BRI3: variants seen among roughly 807,000 people sequenced by gnomAD.
BRI3 encodes the protein membrane protein BRI3.
A neutral mutation model predicts 12.8 loss-of-function variants in BRI3; 6 were observed. The observed-to-expected ratio is 0.47, with a 90% CI of 0.26 to 0.93. The LOEUF is 0.93. BRI3 is among the 40% of genes least tolerant of loss of function. BRI3 has a pLI of 0.15. For missense variants in BRI3, 134 were observed against 171.1 expected, an observed-to-expected ratio of 0.78 and a Z score of 1.21; for synonymous variants, 91 against 76.1, an observed-to-expected ratio of 1.20 and a Z score of -1.02.
chr7:98,290,443 C>T (rs887989266), intron 2 of BRI3, among the ~76,000 whole-genome samples: 3 of 151,956 alleles, frequency 2.0e-5, no homozygotes, highest in African/African-American at 7.3e-5. Context: ...GATCCACCCG[C>T]CTCGGCCTCC....
At chr7:98,322,281 T>C in the BRI3 span, among the ~76,000 whole-genome samples, 1 of 152,196 alleles carries the variant, frequency 6.6e-6, no homozygotes, top group Non-Finnish European at 1.5e-5. Context: ...CATCTGAGTC[T>C]GACACTGGCC....
At chr7:98,315,761 C>T in the BRI3 span, 3,014 of 353,378 alleles carry the variant, frequency 8.5e-3, 23 homozygotes, top group Non-Finnish European at 0.011. Flanking sequence ...AATGCTGTAA[C>T]CTGACCTAAG....
the BRI3 span, chr7:98,320,380 G>T: frequency 9.1e-7 from 1 of 1,104,564 alleles, no homozygotes; most frequent in Non-Finnish European, 1.3e-6. Flanking sequence ...CTGTCGCCCA[G>T]GCTGGAGTGC....
At chr7:98,294,813 A>G (rs1396043457), downstream of BRI3, among the ~76,000 whole-genome samples, 2 of 152,236 alleles carry the variant, frequency 1.3e-5, no homozygotes, top group African/African-American at 4.8e-5. Flanking sequence ...TGAGGAAAAG[A>G]GAAGGTGGAA....
At chr7:98,283,857 T>G in intron 2 of BRI3, among the ~76,000 whole-genome samples, 1 of 151,964 alleles carries the variant, frequency 6.6e-6, no homozygotes, top group East Asian at 1.9e-4. Flanking sequence ...CTTGGAGAGG[T>G]GAGAGACCAG....
chr7:98,291,610 A>C (rs1799959179), downstream of BRI3: 5 of 846,718 alleles, frequency 5.9e-6, no homozygotes, highest in Non-Finnish European at 7.3e-6. Flanking sequence ...GCCAGTCCTG[A>C]CCACAGTTGT....
chr7:98,293,244 A>G, downstream of BRI3: 1 of 366,144 alleles, frequency 2.7e-6, no homozygotes, highest in Non-Finnish European at 4.9e-6. Context: ...AAAATACAGT[A>G]AAGATTGAAA....
exon 2 of BRI3, chr7:98,310,173 A>G: frequency 2.7e-6 from 1 of 370,586 alleles, no homozygotes; most frequent in South Asian, 3.4e-5. Context: ...TAAATAGATA[A>G]TTCTCAACAG....
chr7:98,291,137 CCTTCCTGGGCAT>C lies in BRI3; in HGVS notation c.281_292del (p.Gly94_Leu97del), dbSNP rs765776994. On this transcript the variant is annotated inframe_deletion, in exon 3 of 3. Coordinates refer to ENST00000297290, the MANE Select transcript of BRI3 (RefSeq NM_015379.5). Reference sequence around the variant, plus strand: ...GTTGGGGTGCTGGAGGACTGCTTCACCTTCCTGGGCATCTTCCTGGCCATCATCCTCTTCCCC... The same window carrying C: ...GTTGGGGTGCTGGAGGACTGCTTCACCTTCCTGGCCATCATCCTCTTCCCC... 4 of 1,614,130 alleles carry C rather than the reference CCTTCCTGGGCAT, an allele frequency of 2.5e-6. No individual in the cohort carries two copies. In the Admixed American group the frequency reaches 5.0e-5, roughly 20 times the overall value.
chr7:98,323,213 G>A, the BRI3 span: 1 of 152,108 alleles, frequency 6.6e-6, no homozygotes, highest in African/African-American at 2.4e-5. Context: ...ACAGCCAAGA[G>A]CATAATTCCA....
At chr7:98,302,215 C>T (rs937319174), upstream of BRI3, among the ~76,000 whole-genome samples, 5 of 152,182 alleles carry the variant, frequency 3.3e-5, no homozygotes, top group Non-Finnish European at 5.9e-5. Flanking sequence ...GTAAGAATGG[C>T]GGCGACAGTA....
At chr7:98,320,379 A>G in the BRI3 span, 1 of 1,115,354 alleles carries the variant, frequency 9.0e-7, no homozygotes, top group Non-Finnish European at 1.3e-6. Context: ...TCTGTCGCCC[A>G]GGCTGGAGTG....
At chr7:98,305,469 C>A (rs1800619231), upstream of BRI3, among the ~76,000 whole-genome samples, 1 of 152,158 alleles carries the variant, frequency 6.6e-6, no homozygotes, top group African/African-American at 2.4e-5. Flanking sequence ...AACGTCGGAC[C>A]TGGAGGCCTT....
downstream of BRI3, chr7:98,293,414 GGC>G: frequency 9.8e-7 from 1 of 1,015,728 alleles, no homozygotes; most frequent in African/African-American, 1.6e-5. Context: ...ATTAGAGTTA[GGC>G]CTCTCCACTG....
chr7:98,315,982 G>C, the BRI3 span, among the ~76,000 whole-genome samples: 1 of 152,184 alleles, frequency 6.6e-6, no homozygotes, highest in Admixed American at 6.5e-5. Context: ...ATATGCTTTG[G>C]CTGTGTCCCC....
downstream of BRI3, among the ~76,000 whole-genome samples, chr7:98,314,558 C>T (rs901388149): frequency 4.6e-5 from 7 of 152,160 alleles, no homozygotes; most frequent in African/African-American, 1.7e-4. Flanking sequence ...CATCATGATT[C>T]CTGGGGGTTC....
intron 2 of BRI3, among the ~76,000 whole-genome samples, chr7:98,290,344 C>T (rs968854314): frequency 3.1e-4 from 47 of 149,882 alleles, no homozygotes; most frequent in African/African-American, 1.1e-3. Context: ...TACAGGCGCC[C>T]GCCACCGCGC....
At position 98,287,421 on chromosome 7, in the gene BRI3, G is replaced by A. The variant is rs151281609; in HGVS notation, c.246-3690G>A. On this transcript the variant is annotated intron_variant, in intron 2 of 2. Coordinates refer to ENST00000297290, the MANE Select transcript of BRI3 (RefSeq NM_015379.5). ...GGTCTGGACAGAAATTCCGTGGGTTGGAAGGAGGGTGTTTCCCTGTGCCTG... is the reference window on the plus strand; with the variant it reads ...GGTCTGGACAGAAATTCCGTGGGTTAGAAGGAGGGTGTTTCCCTGTGCCTG... 8.7e-4 allele frequency among the ~76,000 whole-genome samples: 133 copies of A among 152,332 alleles called. 1 individual carries two copies. In the Middle Eastern group the frequency reaches 0.01, roughly 12 times the overall value.
chr7:98,281,692 G>A lies in BRI3; in HGVS notation c.-104G>A. On this transcript the variant is annotated 5_prime_UTR_variant, in exon 1 of 3. Transcript: ENST00000297290. ...CCCGCCCCGCGTCTGCCTCAGAGGG[G>A]CCCGAGCCACCCGGTCCGCCGCGTC... 2.1e-6 allele frequency: 1 copy of A among 481,568 alleles called. No individual in the cohort carries two copies. The highest frequency in any genetic ancestry group is 2.7e-6 in the Non-Finnish European group (1 of 371,180). The allele number at this position is 481,568 out of a possible 1,614,324, so 29.8% of individuals were successfully genotyped here. A position where few individuals can be genotyped will look rare whatever the true frequency, so the allele number is the denominator to read the frequency against.
Sources: allele counts gnomAD v4.1 joint callset (sites outside exome capture counted in the v4.1 genomes callset), GRCh38; gene constraint gnomAD v4.1.1; transcripts MANE v1.5; gene names NCBI Gene and HGNC (gene_info 2026-07-23, HGNC 2026-07-21).